ZNF579: variants seen among roughly 807,000 people sequenced by gnomAD.
ZNF579 encodes the protein zinc finger protein 579.
A neutral mutation model predicts 5.7 loss-of-function variants in ZNF579; 3 were observed. The ratio of observed to expected loss-of-function variants is 0.53; its 90% CI spans 0.24 to 1.36. The LOEUF (loss-of-function observed/expected upper bound fraction) is 1.36, where lower values mean the gene tolerates loss of function less well. Ranked by LOEUF, ZNF579 falls within the 40% of genes most tolerant of loss-of-function variation. ZNF579 has a pLI of 0.16. For missense variants in ZNF579, 679 were observed against 877.6 expected (o/e 0.77, Z 2.86); for synonymous variants, 454 against 409.0 (o/e 1.11, Z -1.33).
At position 55,579,512 on chromosome 19, in the gene ZNF579, G is replaced by A; in HGVS notation, c.128C>T (p.Pro43Leu). ...GCGGCCGCAGGTGGGGCAGGGCAGG[G>A]GCGCCCTAGGGGCTCCAGCGCCCCC... is the stretch of plus-strand genomic sequence containing the variant. Reference protein sequence around the residue: ...GRGGAGAPRAPLPCPTCGRLF... With the variant: ...GRGGAGAPRALLPCPTCGRLF... The change falls in exon 2 of 2, where the codon CCC (proline) becomes CTC (leucine). Residue 43 changes from proline to leucine, a missense_variant. By Grantham distance (98) the Pro-to-Leu change is moderately conservative. Coordinates refer to ENST00000325421, the MANE Select transcript of ZNF579 (RefSeq NM_152600.3). 1 of 1,401,496 alleles carries A rather than the reference G, an allele frequency of 7.1e-7. No homozygotes were observed. 86.8% of individuals were successfully genotyped at this position (1,401,496 alleles called of 1,614,324 possible). A position where few individuals can be genotyped will look rare whatever the true frequency, so the allele number is the denominator to read the frequency against.
At chr19:55,580,374 T>A (rs1213608618) in intron 1 of ZNF579, among the ~76,000 whole-genome samples, 1 of 151,652 alleles carries the variant, frequency 6.6e-6, no homozygotes, top group African/African-American at 2.4e-5. Context: ...GGGAGGGGGC[T>A]AGGGGCCCAG....
rs1209961940 is a variant in ZNF579, at chr19:55,580,797, C to T, written c.-5G>A. Reference sequence around the variant, plus strand: ...GGTCGCTGGGGCTGGGTTCTTACCTCGCCTCCTTGGCTCCTTTCTTCCTTC... The same window carrying T: ...GGTCGCTGGGGCTGGGTTCTTACCTTGCCTCCTTGGCTCCTTTCTTCCTTC... On this transcript the variant is annotated splice_region_variant and 5_prime_UTR_variant, in exon 1 of 2. Transcript: ENST00000325421. The T allele has an allele frequency of 6.6e-6, 1 of 151,870 alleles. No individual in the cohort carries two copies. The highest frequency in any genetic ancestry group is 1.5e-5 in the Non-Finnish European group (1 of 68,142). 9.4% of individuals were successfully genotyped at this position (151,870 alleles called of 1,614,324 possible).
chr19:55,579,671 C>G, intron 1 of ZNF579, 30 bp from the exon 2 acceptor site: 2 of 1,403,688 alleles, frequency 1.4e-6, no homozygotes, highest in Non-Finnish European at 1.8e-6. Flanking sequence ...AGATGGGAAG[C>G]GGGGCAGAGA....
In ZNF579 at chr19:55,579,290, C is replaced by A; in HGVS notation, c.350G>T (p.Arg117Leu). Residue 117 changes from arginine to leucine, a missense_variant, in exon 2 of 2, where the codon CGC (arginine) becomes CTC (leucine). Around this residue, in one of 6 missense-constraint regions of ZNF579, gnomAD observed 134 missense variants for 208.9 expected, o/e 0.64. Coordinates refer to ENST00000325421, the MANE Select transcript of ZNF579 (RefSeq NM_152600.3). Reference sequence around the variant, plus strand: ...GCCCGCGTGCTCCTGAGCCAGGTGGCGCCTGAGCTGGGCCGGTTCTGGGAA... The same window carrying A: ...GCCCGCGTGCTCCTGAGCCAGGTGGAGCCTGAGCTGGGCCGGTTCTGGGAA... ...RTFPEPAQLR[R>L]HLAQEHAGGE... The A allele has an allele frequency of 6.6e-7, 1 of 1,511,014 alleles. No homozygotes were observed. The highest frequency in any genetic ancestry group is 8.8e-7 in the Non-Finnish European group (1 of 1,134,072). 93.6% of individuals were successfully genotyped at this position (1,511,014 alleles called of 1,614,324 possible).
Position 55,578,182 on chromosome 19 carries a change from C to A in ZNF579, c.1458G>T (p.Pro486=), listed in dbSNP as rs1018475587. ...LQAQAPTSPP[P]PPPPLKAEQE... is the part of the protein sequence containing the mutation. ...GCTCGGCCTTCAGGGGCGGCGGGGG[C>A]GGTGGCGGCGACGTCGGGGCCTGGG... The change falls in exon 2 of 2, where the codon CCG becomes CCT. Residue 486 remains proline, a synonymous_variant. Coordinates refer to ENST00000325421, the MANE Select transcript of ZNF579 (RefSeq NM_152600.3). 6.7e-7 allele frequency: 1 copy of A among 1,494,990 alleles called. No homozygotes were observed. Among genetic ancestry groups the A allele is most frequent in the Admixed American group, 2.3e-5 (1 of 43,286 alleles). 92.6% of individuals were successfully genotyped at this position (1,494,990 alleles called of 1,614,324 possible). A position where few individuals can be genotyped will look rare whatever the true frequency, so the allele number is the denominator to read the frequency against.
In ZNF579 at chr19:55,577,777, T is replaced by G; in HGVS notation, c.*174A>C. On this transcript the variant is annotated 3_prime_UTR_variant, in exon 2 of 2. Coordinates refer to ENST00000325421, the MANE Select transcript of ZNF579 (RefSeq NM_152600.3). ...AGCGGTTCCTAACCAGCATCAGGGGTTCTGGGGGCGGGCGATGGGGGAGGA... is the reference window on the plus strand; with the variant it reads ...AGCGGTTCCTAACCAGCATCAGGGGGTCTGGGGGCGGGCGATGGGGGAGGA... 8.1e-7 allele frequency: 1 copy of G among 1,239,806 alleles called. No individual in the cohort carries two copies. Among genetic ancestry groups the G allele is most frequent in the Non-Finnish European group, 1.1e-6 (1 of 920,526 alleles). The allele number at this position is 1,239,806 out of a possible 1,614,324, so 76.8% of individuals were successfully genotyped here.
At position 55,578,962 on chromosome 19, in the gene ZNF579, T is replaced by C; in HGVS notation, c.678A>G (p.Ala226=). 6.5e-7 allele frequency: 1 copy of C among 1,548,126 alleles called. No homozygotes were observed. Among genetic ancestry groups the C allele is most frequent in the Non-Finnish European group, 8.7e-7 (1 of 1,151,134 alleles). ...AGCGCAGACACAGCAGCGTCCAGTC[T>C]GCCTGGAGCAGGACCTGTTTCTCCT... ...RQEEKQVLLQ[A]DWTLLCLRCR... Residue 226 remains alanine (A), a synonymous_variant, in exon 2 of 2, where the codon GCA becomes GCG. Coordinates refer to ENST00000325421, the MANE Select transcript of ZNF579 (RefSeq NM_152600.3).
At position 55,579,562 on chromosome 19, in the gene ZNF579, A is replaced by T; in HGVS notation, c.78T>A (p.Arg26=). ...RGRGRGRGRG[R]GRGRGRGRGG... ...CCCTGCCACGGCCACGGCCCCGACC[A>T]CGGCCTCGGCCACGGCCCCGGCCTC... The change falls in exon 2 of 2, where the codon CGT becomes CGA. Residue 26 remains arginine (R), a synonymous_variant. Coordinates refer to ENST00000325421, the MANE Select transcript of ZNF579 (RefSeq NM_152600.3). 1 of 1,490,642 alleles carries T rather than the reference A, an allele frequency of 6.7e-7. No homozygotes were observed. Among genetic ancestry groups the T allele is most frequent in the Non-Finnish European group, 8.9e-7 (1 of 1,125,944 alleles). 92.3% of individuals were successfully genotyped at this position (1,490,642 alleles called of 1,614,324 possible).
In ZNF579 at chr19:55,579,653, G is replaced by T; in HGVS notation, c.-2-12C>A. ...CTGCGGATCCATGCCTGTGGGGAGA[G>T]AGGGGAGAGATGGGAAGCGGGGCAG... On this transcript the variant is annotated splice_polypyrimidine_tract_variant and intron_variant, in intron 1 of 1. Transcript: ENST00000325421. The T allele has an allele frequency of 7.0e-7, 1 of 1,432,512 alleles. No individual in the cohort carries two copies. The highest frequency in any genetic ancestry group is 1.4e-5 in the South Asian group (1 of 70,894). 88.7% of individuals were successfully genotyped at this position (1,432,512 alleles called of 1,614,324 possible).
At chr19:55,579,703 T>C in intron 1 of ZNF579, 62 bp from the exon 2 acceptor site, 1 of 1,343,018 alleles carries the variant, frequency 7.4e-7, no homozygotes, top group Non-Finnish European at 9.5e-7. Context: ...GCGTGGGGTG[T>C]GGCAGAAAGA....
rs1008536669 is a variant in ZNF579 at position 55,579,228 on chromosome 19, C to G, written c.412G>C (p.Glu138Gln). 6.6e-7 allele frequency: 1 copy of G among 1,522,316 alleles called. No homozygotes were observed. The highest frequency in any genetic ancestry group is 1.4e-5 in the African/African-American group (1 of 71,278). 94.3% of individuals were successfully genotyped at this position (1,522,316 alleles called of 1,614,324 possible). A position where few individuals can be genotyped will look rare whatever the true frequency, so the allele number is the denominator to read the frequency against. Residue 138 changes from glutamate to glutamine, a missense_variant, in exon 2 of 2, where the codon GAG becomes CAG. By Grantham distance (29) the Glu-to-Gln change is conservative. This residue lies in a region of ZNF579 where 209 missense variants were observed against 223.4 expected (regional missense o/e 0.94). Transcript: ENST00000325421. Reference protein sequence around the residue: ...VELAIERVAKETAEPSWGPQD... With the variant: ...VELAIERVAKQTAEPSWGPQD... The stretch of plus-strand genomic sequence containing the variant: ...GGGCCCCAGCTGGGTTCGGCCGTCT[C>G]CTTGGCCACCCTCTCGATGGCCAGC...
rs1979400792 is a variant in ZNF579 at position 55,577,266 on chromosome 19, G to A, written c.*685C>T. ...GTGTGGTAGAGATTGACTGAGTAAGGCGCGGAGCTTCCACAGGGCAGTGGT... is the reference window on the plus strand; with the variant it reads ...GTGTGGTAGAGATTGACTGAGTAAGACGCGGAGCTTCCACAGGGCAGTGGT... On this transcript the variant is annotated 3_prime_UTR_variant, in exon 2 of 2. Coordinates refer to ENST00000325421, the MANE Select transcript of ZNF579 (RefSeq NM_152600.3). 6.5e-6 allele frequency: 1 copy of A among 154,616 alleles called. No homozygotes were observed. The highest frequency in any genetic ancestry group is 2.0e-4 in the South Asian group (1 of 4,962). 9.6% of individuals were successfully genotyped at this position (154,616 alleles called of 1,614,324 possible). A position where few individuals can be genotyped will look rare whatever the true frequency, so the allele number is the denominator to read the frequency against.
chr19:55,578,757 C>G lies in ZNF579; in HGVS notation c.883G>C (p.Asp295His), dbSNP rs1030742463. ...LSRHRLVHST[D>H]RPFVCPDCGL... ...CAGTCTGGGCACACGAAAGGGCGGTCGGTGGAGTGGACCAGCCGGTGGCGC... is the reference window on the plus strand; with the variant it reads ...CAGTCTGGGCACACGAAAGGGCGGTGGGTGGAGTGGACCAGCCGGTGGCGC... Residue 295 changes from aspartate to histidine, a missense_variant, in exon 2 of 2, where the codon GAC becomes CAC. Around this residue, in one of 6 missense-constraint regions of ZNF579, gnomAD observed 38 missense variants for 70.3 expected, o/e 0.54. Coordinates refer to ENST00000325421, the MANE Select transcript of ZNF579 (RefSeq NM_152600.3). 1.2e-6 allele frequency: 2 copies of G among 1,601,202 alleles called. No individual in the cohort carries two copies. The highest frequency in any genetic ancestry group is 2.2e-5 in the South Asian group (2 of 89,476).
Position 55,578,848 on chromosome 19 carries a change from CG to C in ZNF579, c.791del (p.Pro264ArgfsTer141). On this transcript the variant is annotated frameshift_variant, in exon 2 of 2. Transcript: ENST00000325421. LOFTEE classifies it low-confidence loss of function (END_TRUNC). ...EGEQEGEGGPPPRPKRHQCSI... is the reference protein window; with the variant it reads ...EGEQEGEGGPXPRPKRHQCSI... ...AGCACTGGTGTCGCTTGGGGCGTGG[CG>C]GGGGCCCCCCTTCCCCTTCCTGTTC... 9 of 1,599,180 alleles carry C rather than the reference CG, an allele frequency of 5.6e-6. No individual in the cohort carries two copies. The highest frequency in any genetic ancestry group is 1.1e-5 in the South Asian group (1 of 89,604).
Position 55,578,138 on chromosome 19 carries a change from G to T in ZNF579, c.1502C>A (p.Pro501Gln), listed in dbSNP as rs1356850195. 6.5e-7 allele frequency: 1 copy of T among 1,538,430 alleles called. No individual in the cohort carries two copies. Among genetic ancestry groups the T allele is most frequent in the East Asian group, 2.4e-5 (1 of 41,588 alleles). The change falls in exon 2 of 2, where the codon CCG (proline) becomes CAG (glutamine). Residue 501 changes from proline to glutamine, a missense_variant. Around this residue, in one of 6 missense-constraint regions of ZNF579, gnomAD observed 116 missense variants for 121.9 expected, o/e 0.95. Transcript: ENST00000325421. ...TTCCTTAATGTTTGCGAGGGGCAGC[G>T]GGAGCCCTTCTTCCTCCTGCTCGGC... The part of the protein sequence containing the change: ...LKAEQEEEGL[P>Q]LPLANIKEEP...
chr19:55,580,277 G>A (rs370735182), intron 1 of ZNF579, among the ~76,000 whole-genome samples: 81 of 152,248 alleles, frequency 5.3e-4, no homozygotes, highest in African/African-American at 1.1e-3. Context: ...TTTGAAGCCG[G>A]TAGGCCCCGG....
At chr19:55,579,694 C>T (rs1979582173) in intron 1 of ZNF579, 53 bp from the exon 2 acceptor site, 3 of 1,360,914 alleles carry the variant, frequency 2.2e-6, no homozygotes, top group Non-Finnish European at 2.8e-6. Flanking sequence ...AAAAGAGGTG[C>T]GTGGGGTGTG....
chr19:55,578,810 T>C lies in ZNF579; in HGVS notation c.830A>G (p.Lys277Arg). ...CAGGGACCAGGGCCTGGCGAAGGCC[T>C]TGAGGCAGATGGAGCACTGGTGTCG... Reference protein sequence around the residue: ...PKRHQCSICLKAFARPWSLSR... With the variant: ...PKRHQCSICLRAFARPWSLSR... Residue 277 changes from lysine to arginine, a missense_variant, in exon 2 of 2, where the codon AAG becomes AGG. Around this residue, in one of 6 missense-constraint regions of ZNF579, gnomAD observed 209 missense variants for 223.4 expected, o/e 0.94. Coordinates refer to ENST00000325421, the MANE Select transcript of ZNF579 (RefSeq NM_152600.3). 6.2e-7 allele frequency: 1 copy of C among 1,602,776 alleles called. No individual in the cohort carries two copies. Among genetic ancestry groups the C allele is most frequent in the Non-Finnish European group, 8.5e-7 (1 of 1,174,398 alleles).
rs772018572 is a variant in ZNF579, at chr19:55,578,476, C to T, written c.1164G>A (p.Glu388=). The T allele has an allele frequency of 6.2e-6, 9 of 1,441,398 alleles. No homozygotes were observed. Among genetic ancestry groups the T allele is most frequent in the Non-Finnish European group, 5.4e-6 (6 of 1,108,610 alleles). The allele number at this position is 1,441,398 out of a possible 1,614,324, so 89.3% of individuals were successfully genotyped here. A position where few individuals can be genotyped will look rare whatever the true frequency, so the allele number is the denominator to read the frequency against. Residue 388 remains glutamate (E), a synonymous_variant, in exon 2 of 2, where the codon GAG becomes GAA. Coordinates refer to ENST00000325421, the MANE Select transcript of ZNF579 (RefSeq NM_152600.3). ...PAGEPRFWCP[E]CGKGFRRRAH... ...CCCGGCGCCTGAAACCTTTGCCGCACTCTGGGCACCAGAAGCGGGGCTCCC... is the reference window on the plus strand; with the variant it reads ...CCCGGCGCCTGAAACCTTTGCCGCATTCTGGGCACCAGAAGCGGGGCTCCC...
Sources: gnomAD v4.1 joint callset for allele counts (sites outside exome capture counted in the v4.1 genomes callset) on GRCh38, gnomAD v4.1.1 for gene constraint, gnomAD v4.1.1 regional missense constraint, MANE v1.5 for transcripts, NCBI Gene and HGNC (gene_info 2026-07-23, HGNC 2026-07-21) for gene names.